The following AGBL1 variants were observed in gnomAD, a reference collection of about 807,000 sequenced individuals.
AGBL1 encodes cytosolic carboxypeptidase 4.
A neutral mutation model predicts 118.9 loss-of-function variants in AGBL1; 130 were observed. The observed-to-expected ratio is 1.09, with a 90% CI of 0.95 to 1.26. AGBL1 has a LOEUF of 1.26. AGBL1 is among the 50% of genes most tolerant of loss of function. The pLI is 0.00. For missense variants in AGBL1, 1,584 were observed against 1,298.1 expected, an observed-to-expected ratio of 1.22 and a Z score of -3.38; for synonymous variants, 555 against 478.9, an observed-to-expected ratio of 1.16 and a Z score of -2.08.
intron 24 of AGBL1, among the ~76,000 whole-genome samples, chr15:87,019,533 A>G (rs528133231): frequency 2.2e-4 from 33 of 152,254 alleles, no homozygotes; most frequent in Admixed American, 8.5e-4. Context: ...TTGGGTAAAC[A>G]ATCAACTTAA....
At chr15:86,813,220 A>G (rs1383241452) in intron 22 of AGBL1, among the ~76,000 whole-genome samples, 1 of 150,952 alleles carries the variant, frequency 6.6e-6, no homozygotes, top group East Asian at 2.0e-4. Context: ...GCCTCAGGGG[A>G]TGTGGAGGGA....
chr15:86,478,040 G>C (rs1025552464), intron 18 of AGBL1, among the ~76,000 whole-genome samples: 4 of 152,138 alleles, frequency 2.6e-5, no homozygotes, highest in Non-Finnish European at 2.9e-5. Context: ...AGCCCTTCAT[G>C]CTAAAAACTC....
intron 21 of AGBL1, among the ~76,000 whole-genome samples, chr15:86,610,855 A>C (rs1173340466): frequency 6.6e-6 from 1 of 152,002 alleles, no homozygotes; most frequent in Admixed American, 6.6e-5. Flanking sequence ...AGAGGTCGTG[A>C]TATTCACACT....
intron 5 of AGBL1, among the ~76,000 whole-genome samples, chr15:86,164,903 A>T (rs569418926): frequency 6.6e-6 from 1 of 152,182 alleles, no homozygotes; most frequent in South Asian, 2.1e-4. Flanking sequence ...CCCCAAGGAC[A>T]CAGGAAGTCA....
chr15:86,465,246 CCAAT>C lies in AGBL1; in HGVS notation c.2556-57559_2556-57556del, dbSNP rs1217091691. Among the ~76,000 whole-genome samples, 6 of 152,220 alleles carry C rather than the reference CCAAT, an allele frequency of 3.9e-5. No homozygotes were observed. In the East Asian group the frequency reaches 7.7e-4, roughly 20 times the overall value. ...AGATTTATGGACATTTATCACTTCCCCAATCAATACTCTTATAATTTCCTATGCC... is the reference window on the plus strand; with the variant it reads ...AGATTTATGGACATTTATCACTTCCCCAATACTCTTATAATTTCCTATGCC... On this transcript the variant is annotated intron_variant, in intron 18 of 22. Transcript: ENST00000614907.
At chr15:86,184,583 C>T (rs1244770417) in intron 5 of AGBL1, among the ~76,000 whole-genome samples, 2 of 152,072 alleles carry the variant, frequency 1.3e-5, no homozygotes, top group Admixed American at 1.3e-4. Flanking sequence ...TGGTTCCATT[C>T]TCCCCGTCAC....
intron 22 of AGBL1, among the ~76,000 whole-genome samples, chr15:86,768,603 C>T (rs1233209720): frequency 6.6e-6 from 1 of 151,902 alleles, no homozygotes; most frequent in African/African-American, 2.4e-5. Flanking sequence ...ATTTCAGCAA[C>T]GTAGGGAAGC....
At chr15:86,843,818 T>A (rs932863745) in intron 22 of AGBL1, among the ~76,000 whole-genome samples, 2 of 152,176 alleles carry the variant, frequency 1.3e-5, no homozygotes, top group African/African-American at 4.8e-5. Context: ...AATGAAATCA[T>A]CACCAGAATC....
rs370598726 is a variant in AGBL1, at chr15:86,526,832, T to A, written c.2685+3893T>A. On this transcript the variant is annotated intron_variant, in intron 19 of 22. Coordinates refer to ENST00000614907, the MANE Select transcript of AGBL1 (RefSeq NM_001386094.1). ...TGCAAAGGCATACAGACTGGTATAA[T>A]GGACACTTGGAGAAACAGAAGGGGG... 5.1e-4 allele frequency among the ~76,000 whole-genome samples: 77 copies of A among 152,046 alleles called. 1 individual carries two copies. The highest frequency in any genetic ancestry group is 1.8e-3 in the African/African-American group (74 of 41,468).
chr15:86,190,930 A>T (rs1253751747), intron 5 of AGBL1, among the ~76,000 whole-genome samples: 1 of 152,212 alleles, frequency 6.6e-6, no homozygotes, highest in African/African-American at 2.4e-5. Context: ...AATTTCCTAC[A>T]ACTGCTTTGC....
At chr15:86,723,027 G>A (rs1478138704) in intron 22 of AGBL1, among the ~76,000 whole-genome samples, 2 of 152,184 alleles carry the variant, frequency 1.3e-5, no homozygotes, top group Non-Finnish European at 2.9e-5. Context: ...AGGATGTGGA[G>A]AAATAGGAAC....
chr15:86,364,887 C>T (rs1385250822), intron 17 of AGBL1, among the ~76,000 whole-genome samples: 3 of 148,604 alleles, frequency 2.0e-5, no homozygotes, highest in African/African-American at 7.4e-5. Context: ...ACCTTTCATG[C>T]TTTTATGATT....
intron 22 of AGBL1, among the ~76,000 whole-genome samples, chr15:86,762,330 T>A (rs62031434): frequency 0.094 from 14,338 of 151,866 alleles, 758 homozygotes; most frequent in Admixed American, 0.13. Context: ...TGTTTACCTA[T>A]GTAACAAACC....
chr15:86,834,899 G>T lies in AGBL1; in HGVS notation c.3159-72188G>T, dbSNP rs192016939. Among the ~76,000 whole-genome samples, 8 of 152,284 alleles carry T rather than the reference G, an allele frequency of 5.3e-5. No homozygotes were observed. In the East Asian group the frequency reaches 1.4e-3, roughly 26 times the overall value. On this transcript the variant is annotated intron_variant, in intron 22 of 22. Coordinates refer to ENST00000614907, the MANE Select transcript of AGBL1 (RefSeq NM_001386094.1). ...AACCTATGAAACGTGGGATCCAGAGGATAAATTCTTCTTCTTTCCTTTCCT... is the reference window on the plus strand; with the variant it reads ...AACCTATGAAACGTGGGATCCAGAGTATAAATTCTTCTTCTTTCCTTTCCT...
intron 18 of AGBL1, among the ~76,000 whole-genome samples, chr15:86,521,235 C>T (rs190059567): frequency 6.6e-6 from 1 of 152,308 alleles, no homozygotes; most frequent in Admixed American, 6.5e-5. Flanking sequence ...AAGGAGAAGA[C>T]TGAAGACTGA....
chr15:87,023,936 A>G (rs889477578), intron 24 of AGBL1, among the ~76,000 whole-genome samples: 1 of 152,070 alleles, frequency 6.6e-6, no homozygotes, highest in East Asian at 1.9e-4. Context: ...TTTGAACTGA[A>G]TGACAATAGT....
At chr15:86,155,857 T>C (rs143987896) in intron 4 of AGBL1, among the ~76,000 whole-genome samples, 2 of 152,336 alleles carry the variant, frequency 1.3e-5, no homozygotes, top group African/African-American at 4.8e-5. Flanking sequence ...CTTAATGCCT[T>C]AACAAAATAT....
At chr15:86,083,224 G>A (rs1895408347) in intron 1 of AGBL1, 1 of 152,082 alleles carries the variant, frequency 6.6e-6, no homozygotes, top group African/African-American at 2.4e-5. Flanking sequence ...CATTTGTCCT[G>A]CTCTCGTCTC....
At chr15:86,373,962 C>T (rs547849378) in intron 17 of AGBL1, among the ~76,000 whole-genome samples, 1 of 151,982 alleles carries the variant, frequency 6.6e-6, no homozygotes, top group Non-Finnish European at 1.5e-5. Flanking sequence ...TTCACTACCC[C>T]CTGCCCTAGA....
Sources: gnomAD v4.1 joint callset for allele counts (sites outside exome capture counted in the v4.1 genomes callset) on GRCh38, gnomAD v4.1.1 for gene constraint, MANE v1.5 for transcripts, NCBI Gene and HGNC (gene_info 2026-07-23, HGNC 2026-07-21) for gene names.